Variants in CYBC1 observed in about 807,000 individuals in gnomAD.
The protein encoded by CYBC1 is cytochrome b-245 chaperone 1.
A neutral mutation model predicts 21.7 loss-of-function variants in CYBC1; 22 were observed. The ratio of observed to expected loss-of-function variants is 1.02; its 90% CI spans 0.73 to 1.45. The LOEUF is 1.45. Ranked by LOEUF, CYBC1 falls within the 40% of genes most tolerant of loss-of-function variation. CYBC1 has a pLI of 0.00. For missense variants in CYBC1, 237 were observed against 242.1 expected (o/e 0.98, Z 0.14); for synonymous variants, 112 against 98.7 (o/e 1.13, Z -0.80).
At chr17:82,445,784 A>C in intron 5 of CYBC1, 80 bp downstream of exon 5, 1 of 1,067,634 alleles carries the variant, frequency 9.4e-7, no homozygotes, top group African/African-American at 1.6e-5. Context: ...GCCCCCCTCT[A>C]GGCCCCGTGA....
intron 6 of CYBC1, 50 bp from the exon 7 acceptor site, chr17:82,444,174 C>T (rs544709359): frequency 1.9e-6 from 3 of 1,582,842 alleles, no homozygotes; most frequent in Admixed American, 3.4e-5. Context: ...CGGCATAGGG[C>T]ACCGTGAGAC....
chr17:82,446,056 CAAG>C (rs1306188439), intron 4 of CYBC1, 96 bp from the exon 5 acceptor site: 2 of 943,422 alleles, frequency 2.1e-6, no homozygotes, highest in African/African-American at 3.3e-5. Context: ...GGTGGACACT[CAAG>C]AAGGGGGGCT....
At chr17:82,444,321 G>A in intron 6 of CYBC1, 126 bp downstream of exon 6, 1 of 1,454,502 alleles carries the variant, frequency 6.9e-7, no homozygotes, top group East Asian at 2.3e-5. Flanking sequence ...GCTTCCCGTG[G>A]GCCCCTCTGT....
intron 2 of CYBC1, chr17:82,448,243 G>A: frequency 5.3e-6 from 1 of 188,734 alleles, no homozygotes; most frequent in Non-Finnish European, 1.1e-5. Flanking sequence ...AGGACGGGAG[G>A]CTAAGTGGAC....
Position 82,442,792 on chromosome 17 carries a change from C to T in CYBC1, c.*1212G>A. On this transcript the variant is annotated 3_prime_UTR_variant, in exon 7 of 7. Coordinates refer to ENST00000306645, the MANE Select transcript of CYBC1 (RefSeq NM_001033046.4). The surrounding 1 kb of genome is among the most constrained non-coding windows in gnomAD (Gnocchi z 6.8). ...TGGGGCAAAGGTGTTCCCTGTCCTA[C>T]CCAGCCATTCCTGGGCCTGCCGCCT... is the stretch of plus-strand genomic sequence containing the variant. The T allele has an allele frequency of 3.6e-6, 2 of 552,532 alleles. No homozygotes were observed. Among genetic ancestry groups the T allele is most frequent in the Non-Finnish European group, 6.3e-6 (2 of 315,536 alleles). 34.2% of individuals were successfully genotyped at this position (552,532 alleles called of 1,614,324 possible).
rs1285520599 is a variant in CYBC1, at chr17:82,443,171, A to T, written c.*833T>A. On this transcript the variant is annotated 3_prime_UTR_variant, in exon 7 of 7. Coordinates refer to ENST00000306645, the MANE Select transcript of CYBC1 (RefSeq NM_001033046.4). The surrounding 1 kb of genome is among the most constrained non-coding windows in gnomAD (Gnocchi z 6.7). ...AGCAATCCTCCCACCTCGGCCTCCG[A>T]AAGTGCTGGGATTACTGGCATGAAC... The T allele has an allele frequency of 4.0e-6, 1 of 252,798 alleles. No homozygotes were observed. Among genetic ancestry groups the T allele is most frequent in the Admixed American group, 4.9e-5 (1 of 20,278 alleles). 15.7% of individuals were successfully genotyped at this position (252,798 alleles called of 1,614,324 possible). A position where few individuals can be genotyped will look rare whatever the true frequency, so the allele number is the denominator to read the frequency against.
In CYBC1 at chr17:82,444,598, G is replaced by A. The variant is rs762443652; in HGVS notation, c.299-7C>T. ...TCATGGAGCAGGACCACCACTGCGGGGAGACGGTCAGTGGCCGAGCCATCC... is the reference window on the plus strand; with the variant it reads ...TCATGGAGCAGGACCACCACTGCGGAGAGACGGTCAGTGGCCGAGCCATCC... On this transcript the variant is annotated splice_region_variant and splice_polypyrimidine_tract_variant and intron_variant, in intron 5 of 6. Coordinates refer to ENST00000306645, the MANE Select transcript of CYBC1 (RefSeq NM_001033046.4). The A allele has an allele frequency of 6.3e-7, 1 of 1,595,010 alleles. No individual in the cohort carries two copies. Among genetic ancestry groups the A allele is most frequent in the Non-Finnish European group, 8.6e-7 (1 of 1,165,982 alleles).
intron 2 of CYBC1, 93 bp downstream of exon 2, chr17:82,449,077 G>T: frequency 9.7e-7 from 1 of 1,033,636 alleles, no homozygotes; most frequent in Non-Finnish European, 1.4e-6. Context: ...CAAGGTAATA[G>T]AAAAAAGAGA....
At chr17:82,447,981 C>G (rs1320727739) in intron 2 of CYBC1, 2 of 375,118 alleles carry the variant, frequency 5.3e-6, no homozygotes, top group Non-Finnish European at 9.8e-6. Flanking sequence ...ATTTACTAGA[C>G]ACATCTGCTG....
chr17:82,446,794 A>C (rs973123266), intron 3 of CYBC1, 98 bp from the exon 4 acceptor site: 1 of 1,286,982 alleles, frequency 7.8e-7, no homozygotes, highest in African/African-American at 1.5e-5. Context: ...GCCAGAGCCC[A>C]CGCTTGCAAG....
At position 82,444,434 on chromosome 17, in the gene CYBC1, C is replaced by A. The variant is rs778850074; in HGVS notation, c.443+13G>T. ...GCTGCAGCTCCGGCCAGATCAAAGT[C>A]CCACAGCCTTACCTGCGGTGGCCCA... On this transcript the variant is annotated intron_variant, in intron 6 of 6. Coordinates refer to ENST00000306645, the MANE Select transcript of CYBC1 (RefSeq NM_001033046.4). 13 of 1,596,526 alleles carry A rather than the reference C, an allele frequency of 8.1e-6. No homozygotes were observed. The highest frequency in any genetic ancestry group is 1.0e-5 in the Non-Finnish European group (12 of 1,167,686).
Position 82,442,772 on chromosome 17 carries a change from C to T in CYBC1, c.*1232G>A. 1.6e-6 allele frequency: 1 copy of T among 614,046 alleles called. No individual in the cohort carries two copies. The highest frequency in any genetic ancestry group is 2.8e-6 in the Non-Finnish European group (1 of 358,956). The allele number at this position is 614,046 out of a possible 1,614,324, so 38.0% of individuals were successfully genotyped here. On this transcript the variant is annotated 3_prime_UTR_variant, in exon 7 of 7. Coordinates refer to ENST00000306645, the MANE Select transcript of CYBC1 (RefSeq NM_001033046.4). The surrounding 1 kb of genome is among the most constrained non-coding windows in gnomAD (Gnocchi z 6.8). ...ACCGAGGTCACAGCCAGACGTGGGG[C>T]AAAGGTGTTCCCTGTCCTACCCAGC...
At chr17:82,450,201 G>C (rs2054511344) in intron 1 of CYBC1, 3 of 152,278 alleles carry the variant, frequency 2.0e-5, no homozygotes, top group African/African-American at 7.2e-5. Flanking sequence ...AGGATCACCT[G>C]AGGCCGGGAG....
chr17:82,449,423 A>C, intron 1 of CYBC1, 131 bp from the exon 2 acceptor site: 1 of 493,002 alleles, frequency 2.0e-6, no homozygotes. Context: ...ACCATCAGCC[A>C]GTCTCACCTG....
intron 4 of CYBC1, 140 bp downstream of exon 4, chr17:82,446,483 G>T: frequency 1.3e-6 from 1 of 741,940 alleles, no homozygotes; most frequent in East Asian, 2.5e-5. Flanking sequence ...GATGAACGGA[G>T]ACCTCCAAGC....
chr17:82,446,561 A>G, intron 4 of CYBC1, 62 bp downstream of exon 4: 3 of 1,541,900 alleles, frequency 1.9e-6, no homozygotes, highest in South Asian at 1.1e-5. Context: ...TTTCATTCCC[A>G]TTGCAAAAAA....
chr17:82,446,420 C>T (rs772065388), intron 4 of CYBC1, among the ~76,000 whole-genome samples: 4 of 152,198 alleles, frequency 2.6e-5, no homozygotes, highest in Non-Finnish European at 5.9e-5. Context: ...AAAATGCCTT[C>T]GGGGAATTCC....
In CYBC1 at chr17:82,444,278, C is replaced by A. The variant is rs74004106; in HGVS notation, c.444-154G>T. 63,789 of 1,421,874 alleles carry A rather than the reference C, an allele frequency of 0.045. 3,556 individuals are homozygous for A. The highest frequency in any genetic ancestry group is 0.27 in the African/African-American group (19,050 of 70,048). 88.1% of individuals were successfully genotyped at this position (1,421,874 alleles called of 1,614,324 possible). ...CTTCCTGGCCTGCTCCCAGCCTCCC[C>A]GTCACAGTGGGGCTGCCCCTGAGCC... On this transcript the variant is annotated intron_variant, in intron 6 of 6. Coordinates refer to ENST00000306645, the MANE Select transcript of CYBC1 (RefSeq NM_001033046.4).
chr17:82,448,930 A>T, intron 2 of CYBC1: 1 of 521,840 alleles, frequency 1.9e-6, no homozygotes, highest in Admixed American at 3.9e-5. Flanking sequence ...GTGACCTCAG[A>T]AAAGCTCATA....
Sources: allele counts gnomAD v4.1 joint callset (sites outside exome capture counted in the v4.1 genomes callset), GRCh38; gene constraint gnomAD v4.1.1; non-coding constraint Gnocchi (gnomAD v3.1); transcripts MANE v1.5; gene names NCBI Gene and HGNC (gene_info 2026-07-23, HGNC 2026-07-21).